The following IPCEF1 variants were observed in gnomAD, a reference collection of about 807,000 sequenced individuals.
IPCEF1 encodes the protein interaction protein for cytohesin exchange factors 1.
IPCEF1 carries 31 observed loss-of-function variants against 50.9 expected under a neutral mutation model. The observed-to-expected ratio is 0.61, with a 90% confidence interval of 0.46 to 0.82. IPCEF1 has a LOEUF of 0.82. Ranked by LOEUF, IPCEF1 falls within the 40% of genes least tolerant of loss-of-function variation. The probability of loss-of-function intolerance (pLI) is 0.00; values close to 1 mark genes in which losing one functional copy is unlikely to be tolerated. For missense variants in IPCEF1, 458 were observed against 514.0 expected (o/e 0.89, Z 1.05); for synonymous variants, 181 against 192.0 (o/e 0.94, Z 0.47).
At chr6:154,315,519 C>A (rs1375105509) in intron 1 of IPCEF1, among the ~76,000 whole-genome samples, 1 of 152,158 alleles carries the variant, frequency 6.6e-6, no homozygotes, top group African/African-American at 2.4e-5. Context: ...AGTTATAAGG[C>A]ATAAGGCAAG....
At chr6:154,265,638 T>G (rs901169719) in intron 3 of IPCEF1, among the ~76,000 whole-genome samples, 5 of 152,128 alleles carry the variant, frequency 3.3e-5, no homozygotes, top group Non-Finnish European at 7.4e-5. Flanking sequence ...GAGGTTCCAC[T>G]AGTACCATAG....
At chr6:154,275,447 T>C (rs1457019463) in intron 2 of IPCEF1, among the ~76,000 whole-genome samples, 1 of 152,154 alleles carries the variant, frequency 6.6e-6, no homozygotes, top group Non-Finnish European at 1.5e-5. Context: ...ACATCCGCAA[T>C]TCCTAGTTTG....
chr6:154,259,783 C>A (rs1781550450), intron 3 of IPCEF1, among the ~76,000 whole-genome samples: 1 of 152,250 alleles, frequency 6.6e-6, no homozygotes, highest in South Asian at 2.1e-4. Flanking sequence ...TAATCTATTC[C>A]CCAGAGAGCT....
intron 9 of IPCEF1, among the ~76,000 whole-genome samples, chr6:154,212,151 G>A (rs1459312796): frequency 2.0e-5 from 3 of 152,030 alleles, no homozygotes; most frequent in African/African-American, 7.2e-5. Context: ...ACCCTTCCTC[G>A]GGGCCATTAC....
intron 1 of IPCEF1, among the ~76,000 whole-genome samples, chr6:154,293,741 C>T (rs1782569838): frequency 6.6e-6 from 1 of 152,222 alleles, no homozygotes. Flanking sequence ...AAAGAAAACT[C>T]TCTACTTTAA....
intron 3 of IPCEF1, among the ~76,000 whole-genome samples, chr6:154,252,763 G>A (rs966593374): frequency 6.6e-6 from 1 of 152,166 alleles, no homozygotes; most frequent in Non-Finnish European, 1.5e-5. Flanking sequence ...GGGGCTACAA[G>A]ACCAATCCGA....
intron 2 of IPCEF1, among the ~76,000 whole-genome samples, chr6:154,279,944 G>A (rs1306777150): frequency 2.0e-5 from 3 of 152,134 alleles, no homozygotes; most frequent in Admixed American, 6.5e-5. Flanking sequence ...AAATGTTAAT[G>A]TTAATGTTAA....
intron 1 of IPCEF1, among the ~76,000 whole-genome samples, chr6:154,351,497 A>C (rs1421716123): frequency 1.3e-5 from 2 of 152,206 alleles, no homozygotes; most frequent in Non-Finnish European, 2.9e-5. Context: ...CTATCTCTTC[A>C]CTAAGGAATA....
intron 10 of IPCEF1, among the ~76,000 whole-genome samples, chr6:154,181,737 G>A (rs532276055): frequency 6.6e-6 from 1 of 152,162 alleles, no homozygotes; most frequent in Admixed American, 6.5e-5. Context: ...CGCAGGGCAC[G>A]AGACCTGAGA....
intron 2 of IPCEF1, among the ~76,000 whole-genome samples, chr6:154,288,676 C>CAAAAACAAAAAAAAAAAA (rs1782432997): frequency 2.1e-5 from 1 of 46,894 alleles, no homozygotes; most frequent in Non-Finnish European, 4.9e-5. Context: ...ACAAAAAAAA[C>CAAAAACAAAAAAAAAAAA]AAAAAAAAAA....
chr6:154,348,514 C>T (rs9479817), intron 1 of IPCEF1, among the ~76,000 whole-genome samples: 29,794 of 152,150 alleles, frequency 0.2, 3,157 homozygotes, highest in Non-Finnish European at 0.22. Context: ...TGGCACATTA[C>T]GTGGAAAATA....
chr6:154,321,744 C>T (rs1783381857), intron 1 of IPCEF1, among the ~76,000 whole-genome samples: 1 of 127,330 alleles, frequency 7.9e-6, no homozygotes, highest in African/African-American at 2.9e-5. Context: ...CGCACCATTG[C>T]ATTTCAGCCT....
At position 154,158,618 on chromosome 6, in the gene IPCEF1, C is replaced by T. The variant is rs921328854; in HGVS notation, c.*1210G>A. The stretch of plus-strand genomic sequence containing the variant: ...AAAATGAAAAATTATGAATGCATGC[C>T]CCATTTTTTTCCCACAAGATTTCCT... On this transcript the variant is annotated 3_prime_UTR_variant, in exon 12 of 12. Transcript: ENST00000367220. The T allele has an allele frequency of 3.9e-5, 6 of 151,946 alleles. No individual in the cohort carries two copies. The highest frequency in any genetic ancestry group is 1.2e-4 in the African/African-American group (5 of 41,348). The allele number at this position is 151,946 out of a possible 1,614,324, so 9.4% of individuals were successfully genotyped here.
chr6:154,204,961 A>C (rs1249561890), intron 9 of IPCEF1, among the ~76,000 whole-genome samples: 1 of 152,034 alleles, frequency 6.6e-6, no homozygotes, highest in Non-Finnish European at 1.5e-5. Context: ...CTGTCCCATC[A>C]CCACATCTCT....
chr6:154,228,987 C>T (rs1779489924), intron 5 of IPCEF1, among the ~76,000 whole-genome samples: 1 of 152,224 alleles, frequency 6.6e-6, no homozygotes, highest in Non-Finnish European at 1.5e-5. Flanking sequence ...CTACCTCATT[C>T]CCCTAGATAA....
intron 10 of IPCEF1, among the ~76,000 whole-genome samples, chr6:154,177,378 C>T (rs1800425541): frequency 6.6e-6 from 1 of 152,068 alleles, no homozygotes; most frequent in African/African-American, 2.4e-5. Context: ...AAAATCTTTG[C>T]AATCTATCCA....
chr6:154,280,987 G>T (rs1414978368), intron 2 of IPCEF1, among the ~76,000 whole-genome samples: 1 of 151,936 alleles, frequency 6.6e-6, no homozygotes, highest in Non-Finnish European at 1.5e-5. Context: ...ATTGTTTGAG[G>T]CCAGGAGTTT....
intron 10 of IPCEF1, among the ~76,000 whole-genome samples, chr6:154,192,362 G>C (rs910827420): frequency 4.7e-5 from 7 of 150,468 alleles, no homozygotes; most frequent in Admixed American, 1.3e-4. Flanking sequence ...GTATGCATGT[G>C]TGTGTATTTA....
intron 1 of IPCEF1, among the ~76,000 whole-genome samples, chr6:154,310,948 G>A (rs1482672952): frequency 6.6e-6 from 1 of 152,026 alleles, no homozygotes; most frequent in Non-Finnish European, 1.5e-5. Flanking sequence ...TGCACTGCAT[G>A]GTGAACACAG....
Sources: gnomAD v4.1 joint callset for allele counts (sites outside exome capture counted in the v4.1 genomes callset) on GRCh38, gnomAD v4.1.1 for gene constraint, MANE v1.5 for transcripts, NCBI Gene and HGNC (gene_info 2026-07-23, HGNC 2026-07-21) for gene names.